Variants in PLCL1 observed in about 807,000 individuals in gnomAD.
The protein encoded by PLCL1 is phospholipase C like 1 (inactive), also known as inactive phospholipase C-like protein 1.
PLCL1 carries 41 observed loss-of-function variants against 84.4 expected under a neutral mutation model. The observed-to-expected ratio is 0.49, with a 90% confidence interval of 0.38 to 0.63. The LOEUF is 0.63. Among genes scored for constraint, PLCL1 ranks in the 30% least tolerant of loss-of-function variants. The probability of loss-of-function intolerance (pLI) is 0.00; values close to 1 mark genes in which losing one functional copy is unlikely to be tolerated. For synonymous variants in PLCL1, 490 were observed against 488.3 expected, an observed-to-expected ratio of 1.00 and a Z score of -0.05; for missense variants, 1,206 against 1,367.8, an observed-to-expected ratio of 0.88 and a Z score of 1.87.
intron 1 of PLCL1, among the ~76,000 whole-genome samples, chr2:197,831,406 A>T (rs1170694752): frequency 6.6e-6 from 1 of 152,222 alleles, no homozygotes; most frequent in African/African-American, 2.4e-5. Flanking sequence ...ACCAACAAGG[A>T]TCAAAAAAGA....
chr2:198,082,575 G>A (rs924383513), intron 1 of PLCL1, among the ~76,000 whole-genome samples: 1 of 152,102 alleles, frequency 6.6e-6, no homozygotes, highest in Non-Finnish European at 1.5e-5. Context: ...TTGTTCCTGG[G>A]GCAATCACGT....
At chr2:198,018,145 C>T (rs1040127832) in intron 1 of PLCL1, among the ~76,000 whole-genome samples, 1 of 152,148 alleles carries the variant, frequency 6.6e-6, no homozygotes, top group African/African-American at 2.4e-5. Flanking sequence ...GAACTCCCTT[C>T]CTATCCAAGG....
At chr2:197,868,073 C>T (rs538910348) in intron 1 of PLCL1, among the ~76,000 whole-genome samples, 52 of 152,210 alleles carry the variant, frequency 3.4e-4, no homozygotes, top group African/African-American at 4.8e-4. Flanking sequence ...CCTATCCACC[C>T]GGTGACCACT....
At chr2:198,011,290 A>G (rs989639226) in intron 1 of PLCL1, among the ~76,000 whole-genome samples, 6 of 151,838 alleles carry the variant, frequency 4.0e-5, no homozygotes, top group Admixed American at 6.6e-5. Flanking sequence ...ACTGCATTCC[A>G]TAAGTTTTGT....
In PLCL1 at chr2:197,938,570, G is replaced by A. The variant is rs1234399198; in HGVS notation, c.240+133231G>A. Among the ~76,000 whole-genome samples the A allele has an allele frequency of 3.3e-5, 5 of 152,218 alleles. No homozygotes were observed. The East Asian group carries it at 7.7e-4, about 23-fold the overall frequency. ...GGTTGTCCTACCATCCTCAAAACAC[G>A]GTTTTTATCTTGGGCCCAAATCTCC... On this transcript the variant is annotated intron_variant, in intron 1 of 5. Transcript: ENST00000428675.
chr2:197,833,811 A>G (rs889089248), intron 1 of PLCL1, among the ~76,000 whole-genome samples: 1 of 152,194 alleles, frequency 6.6e-6, no homozygotes, highest in African/African-American at 2.4e-5. Context: ...ATTAGAAAAA[A>G]CTGGTTCAAA....
At chr2:197,913,064 G>A (rs1233816927) in intron 1 of PLCL1, among the ~76,000 whole-genome samples, 1 of 152,136 alleles carries the variant, frequency 6.6e-6, no homozygotes, top group Non-Finnish European at 1.5e-5. Context: ...GAAATATGTA[G>A]AGATAAAATG....
intron 1 of PLCL1, among the ~76,000 whole-genome samples, chr2:198,002,834 G>A (rs552902428): frequency 7.4e-4 from 113 of 152,118 alleles, no homozygotes; most frequent in Non-Finnish European, 1.6e-3. Flanking sequence ...ACTGCTGTAG[G>A]CCAGCATCAT....
At chr2:197,942,296 A>T (rs182131686) in intron 1 of PLCL1, among the ~76,000 whole-genome samples, 3,206 of 152,236 alleles carry the variant, frequency 0.021, 140 homozygotes, top group African/African-American at 0.072. Flanking sequence ...TTTTTTAAAA[A>T]ATTGCATCTT....
chr2:198,133,678 C>T (rs1033994318), intron 5 of PLCL1, among the ~76,000 whole-genome samples: 2 of 151,872 alleles, frequency 1.3e-5, no homozygotes, highest in African/African-American at 4.8e-5. Flanking sequence ...AGGAGTGAAG[C>T]TGTGGAAATG....
chr2:197,926,215 C>T (rs1319823460), intron 1 of PLCL1, among the ~76,000 whole-genome samples: 2 of 152,108 alleles, frequency 1.3e-5, no homozygotes, highest in East Asian at 3.8e-4. Flanking sequence ...CCAAACCAAC[C>T]CTGTGGGAGA....
In PLCL1 at chr2:198,141,607, T is replaced by C. The variant is rs187599412; in HGVS notation, c.3106-5173T>C. On this transcript the variant is annotated intron_variant, in intron 5 of 5. Coordinates refer to ENST00000428675, the MANE Select transcript of PLCL1 (RefSeq NM_006226.4). ...GCAAAGGATTAAACTTCTTAAATGA[T>C]AGAGTCCCAACGGATGGTTTTTGAA... 3.5e-3 allele frequency among the ~76,000 whole-genome samples: 534 copies of C among 152,278 alleles called. 3 individuals carry two copies. Among genetic ancestry groups the C allele is most frequent in the Middle Eastern group, 6.8e-3 (2 of 294 alleles).
intron 5 of PLCL1, among the ~76,000 whole-genome samples, chr2:198,137,648 A>G (rs368522657): frequency 6.6e-6 from 1 of 152,178 alleles, no homozygotes; most frequent in African/African-American, 2.4e-5. Context: ...ATAAGATGCC[A>G]AGAAATAAAT....
chr2:198,083,974 C>T lies in PLCL1; in HGVS notation c.457C>T (p.Leu153Phe). The T allele has an allele frequency of 6.2e-7, 1 of 1,614,050 alleles. No homozygotes were observed. The highest frequency in any genetic ancestry group is 8.5e-7 in the Non-Finnish European group (1 of 1,179,980). The change falls in exon 2 of 6, where the codon CTC (leucine) becomes TTC (phenylalanine). Residue 153 changes from leucine (L) to phenylalanine (F), a missense_variant. Leu to Phe is a conservative substitution (Grantham distance 22). Coordinates refer to ENST00000428675, the MANE Select transcript of PLCL1 (RefSeq NM_006226.4). ...TCGCTGGGAACCTTCAAAGAAAGAC[C>T]TCGAGAAAGCCAAGCTTGATATTTC... Reference protein sequence around the residue: ...ALRWEPSKKDLEKAKLDISAI... With the variant: ...ALRWEPSKKDFEKAKLDISAI...
intron 1 of PLCL1, among the ~76,000 whole-genome samples, chr2:198,011,002 T>A (rs1331059068): frequency 2.0e-5 from 3 of 151,586 alleles, no homozygotes; most frequent in African/African-American, 7.3e-5. Flanking sequence ...AGCCATAGAG[T>A]CTTCTCTCTT....
At position 198,085,033 on chromosome 2, in the gene PLCL1, C is replaced by G; in HGVS notation, c.1516C>G (p.Gln506Glu). 6.2e-7 allele frequency: 1 copy of G among 1,614,006 alleles called. No homozygotes were observed. The highest frequency in any genetic ancestry group is 8.5e-7 in the Non-Finnish European group (1 of 1,179,978). Residue 506 changes from glutamine (Q) to glutamate (E), a missense_variant, in exon 2 of 6, where the codon CAG (glutamine) becomes GAG (glutamate). Physicochemically the swap from Gln to Glu is conservative, Grantham distance 29. Transcript: ENST00000428675. This position sits in a 1 kb window ranked among gnomAD's most constrained non-coding sequence, Gnocchi z 5.3. ...GCCGCAGCAGAAGGTAATGGCTCAA[C>G]AGATGAAAAAGGTCTTTGGCAATAA... Reference protein sequence around the residue: ...SLPQQKVMAQQMKKVFGNKLY... With the variant: ...SLPQQKVMAQEMKKVFGNKLY...
chr2:198,128,278 T>C (rs549292109), intron 5 of PLCL1, among the ~76,000 whole-genome samples: 1 of 152,288 alleles, frequency 6.6e-6, no homozygotes, highest in East Asian at 1.9e-4. Context: ...TGGGTTCACC[T>C]TTCATGCTAC....
At chr2:197,982,231 A>G (rs1179412860) in intron 1 of PLCL1, among the ~76,000 whole-genome samples, 1 of 150,904 alleles carries the variant, frequency 6.6e-6, no homozygotes, top group Non-Finnish European at 1.5e-5. Flanking sequence ...ATATATATGA[A>G]AGTCTAAAAT....
chr2:197,861,240 A>G (rs773801532), intron 1 of PLCL1, among the ~76,000 whole-genome samples: 10 of 152,178 alleles, frequency 6.6e-5, no homozygotes, highest in Non-Finnish European at 1.2e-4. Context: ...TAAGTTGATC[A>G]CCAATAGACA....
Sources: allele counts gnomAD v4.1 joint callset (sites outside exome capture counted in the v4.1 genomes callset), GRCh38; gene constraint gnomAD v4.1.1; non-coding constraint Gnocchi (gnomAD v3.1); transcripts MANE v1.5; gene names NCBI Gene and HGNC (gene_info 2026-07-23, HGNC 2026-07-21).